B4GALT5: variants seen among roughly 807,000 people sequenced by gnomAD.
B4GALT5 encodes beta-1,4-galactosyltransferase 5, also known as UDP-Gal:beta-GlcNAc beta-1,4-galactosyltransferase 5.
B4GALT5 carries 11 observed loss-of-function variants against 45.0 expected under a neutral mutation model. The ratio of observed to expected loss-of-function variants is 0.24; its 90% confidence interval spans 0.15 to 0.40. The LOEUF is 0.40. Ranked by LOEUF, B4GALT5 falls within the 10% of genes least tolerant of loss-of-function variation. The probability of loss-of-function intolerance (pLI) is 1.00; values close to 1 mark genes in which losing one functional copy is unlikely to be tolerated. For synonymous variants in B4GALT5, 185 were observed against 182.9 expected, an observed-to-expected ratio of 1.01 and a Z score of -0.09; for missense variants, 337 against 500.2, an observed-to-expected ratio of 0.67 and a Z score of 3.11.
intron 1 of B4GALT5, among the ~76,000 whole-genome samples, chr20:49,664,818 AT>A (rs909229432): frequency 2.8e-4 from 42 of 152,338 alleles, no homozygotes; most frequent in African/African-American, 1.0e-3. Context: ...TCTGAAAAAA[AT>A]GTGTGCATAT....
At chr20:49,707,862 T>C (rs2085890969) in intron 1 of B4GALT5, among the ~76,000 whole-genome samples, 3 of 151,512 alleles carry the variant, frequency 2.0e-5, no homozygotes, top group Admixed American at 2.0e-4. Flanking sequence ...AATCCGCCCA[T>C]CTTGGCTTCC....
In B4GALT5 at chr20:49,640,556, G is replaced by A. The variant is rs1485118201; in HGVS notation, c.716C>T (p.Pro239Leu). ...TCCATAATAGTTGCGATCACTTTCC[G>A]GTATGTGATCTACATCATGAAAAAT... ...CLIFHDVDHI[P>L]ESDRNYYGCG... The change falls in exon 6 of 9, where the codon CCG becomes CTG. Residue 239 changes from proline (P) to leucine (L), a missense_variant. By Grantham distance (98) the Pro-to-Leu change is moderately conservative. Transcript: ENST00000371711. The A allele has an allele frequency of 1.9e-6, 3 of 1,613,602 alleles. No homozygotes were observed. Among genetic ancestry groups the A allele is most frequent in the African/African-American group, 1.3e-5 (1 of 74,860 alleles).
intron 1 of B4GALT5, among the ~76,000 whole-genome samples, chr20:49,659,906 A>G (rs1193008959): frequency 6.6e-6 from 1 of 151,698 alleles, no homozygotes; most frequent in Non-Finnish European, 1.5e-5. Flanking sequence ...CCTCCCAAGT[A>G]GCTGGGACTA....
intron 1 of B4GALT5, among the ~76,000 whole-genome samples, chr20:49,694,915 T>C (rs1161270441): frequency 1.3e-5 from 2 of 152,120 alleles, no homozygotes; most frequent in Non-Finnish European, 2.9e-5. Flanking sequence ...ACACATCTGA[T>C]GTTAGAACTC....
intron 1 of B4GALT5, among the ~76,000 whole-genome samples, chr20:49,680,633 T>C (rs756353410): frequency 2.6e-5 from 4 of 152,112 alleles, no homozygotes; most frequent in Non-Finnish European, 5.9e-5. Flanking sequence ...GGACTAATAA[T>C]AGAGGTTGAG....
chr20:49,653,074 G>A (rs1270202758), intron 2 of B4GALT5, among the ~76,000 whole-genome samples: 1 of 152,206 alleles, frequency 6.6e-6, no homozygotes, highest in Non-Finnish European at 1.5e-5. Context: ...TTTCAGTACA[G>A]GTTGAGTATC....
chr20:49,667,261 GT>G (rs869171877), intron 1 of B4GALT5, among the ~76,000 whole-genome samples: 5 of 87,104 alleles, frequency 5.7e-5, no homozygotes, highest in African/African-American at 1.8e-4. Flanking sequence ...TGTTGTTGTT[GT>G]TTTTTTTGAG....
intron 1 of B4GALT5, among the ~76,000 whole-genome samples, chr20:49,675,449 C>G (rs995353242): frequency 2.6e-5 from 4 of 152,158 alleles, no homozygotes; most frequent in African/African-American, 9.7e-5. Flanking sequence ...GATAAGAATC[C>G]TAACAGTACC....
chr20:49,703,164 T>G (rs1600557928), intron 1 of B4GALT5, among the ~76,000 whole-genome samples: 1 of 47,478 alleles, frequency 2.1e-5, no homozygotes, highest in Non-Finnish European at 4.8e-5. Flanking sequence ...AGACTCCGTC[T>G]CAAAAAAAAA....
At chr20:49,679,635 C>G (rs2085755972) in intron 1 of B4GALT5, among the ~76,000 whole-genome samples, 1 of 151,688 alleles carries the variant, frequency 6.6e-6, no homozygotes, top group South Asian at 2.1e-4. Flanking sequence ...GAGATCCCAC[C>G]ACTGCACTCC....
At position 49,679,137 on chromosome 20, in the gene B4GALT5, T is replaced by C. The variant is rs755082576; in HGVS notation, c.116-22435A>G. ...CTGCAGAACTGCTGGGATGACTCAA[T>C]AGATTATGGGAAATGGCCTAAAAGT... On this transcript the variant is annotated intron_variant, in intron 1 of 8. Coordinates refer to ENST00000371711, the MANE Select transcript of B4GALT5 (RefSeq NM_004776.4). Among the ~76,000 whole-genome samples the C allele has an allele frequency of 1.2e-3, 183 of 152,280 alleles. 2 individuals are homozygous for C. Among genetic ancestry groups the C allele is most frequent in the Admixed American group, 7.9e-4 (12 of 15,286 alleles).
At chr20:49,712,979 GGGA>G (rs2085923824) in intron 1 of B4GALT5, among the ~76,000 whole-genome samples, 1 of 151,852 alleles carries the variant, frequency 6.6e-6, no homozygotes, top group South Asian at 2.1e-4. Flanking sequence ...ACGTGAGTTA[GGGA>G]GGAGGACCTG....
At chr20:49,712,053 G>C (rs1568738664) in intron 1 of B4GALT5, among the ~76,000 whole-genome samples, 1 of 152,166 alleles carries the variant, frequency 6.6e-6, no homozygotes, top group Non-Finnish European at 1.5e-5. Context: ...AGCATCTTCT[G>C]ATCATTTTTC....
intron 1 of B4GALT5, among the ~76,000 whole-genome samples, chr20:49,680,552 G>A (rs561115899): frequency 1.2e-3 from 189 of 152,260 alleles, no homozygotes; most frequent in African/African-American, 4.4e-3. Context: ...ACCCAGAATA[G>A]GTAAATTCAC....
chr20:49,685,914 G>A (rs1160533427), intron 1 of B4GALT5, among the ~76,000 whole-genome samples: 17 of 147,508 alleles, frequency 1.2e-4, no homozygotes, highest in African/African-American at 3.3e-4. Flanking sequence ...CTTGCTAAGA[G>A]ATAAATGTGC....
rs370189325 is a variant in B4GALT5, at chr20:49,645,264, C to A, written c.365-1614G>T. ...TATACTAAAAAGACAAAGCTGACTG[C>A]CTATACAGTGATGTGCTTTGACATT... On this transcript the variant is annotated intron_variant, in intron 3 of 8. Transcript: ENST00000371711. 2.4e-3 allele frequency among the ~76,000 whole-genome samples: 364 copies of A among 152,014 alleles called. 2 individuals are homozygous for A. The highest frequency in any genetic ancestry group is 3.9e-3 in the Non-Finnish European group (267 of 67,950).
intron 1 of B4GALT5, among the ~76,000 whole-genome samples, chr20:49,680,606 G>A (rs1397632794): frequency 6.6e-6 from 1 of 152,112 alleles, no homozygotes; most frequent in East Asian, 1.9e-4. Context: ...TTGCGGAGAA[G>A]GGGACTAATA....
intron 2 of B4GALT5, among the ~76,000 whole-genome samples, chr20:49,651,308 G>C (rs2085621625): frequency 6.6e-6 from 1 of 150,440 alleles, no homozygotes; most frequent in Admixed American, 6.6e-5. Flanking sequence ...GGGAAAACAG[G>C]CCAGGCACAG....
intron 1 of B4GALT5, among the ~76,000 whole-genome samples, chr20:49,697,406 T>C (rs139904001): frequency 1.5e-4 from 23 of 152,296 alleles, no homozygotes; most frequent in African/African-American, 5.5e-4. Flanking sequence ...GATGGGACAA[T>C]GGGAAAGCTT....
Sources: gnomAD v4.1 joint callset for allele counts (sites outside exome capture counted in the v4.1 genomes callset) on GRCh38, gnomAD v4.1.1 for gene constraint, MANE v1.5 for transcripts, NCBI Gene and HGNC (gene_info 2026-07-23, HGNC 2026-07-21) for gene names.